Variants in GPC5 observed in about 807,000 individuals in gnomAD.
GPC5 encodes the protein glypican 5.
A neutral mutation model predicts 53.9 loss-of-function variants in GPC5; 47 were observed. The observed-to-expected ratio is 0.87, with a 90% CI of 0.69 to 1.11. GPC5 has a LOEUF of 1.11. GPC5 is among the 50% of genes most tolerant of loss of function. The pLI is 0.00. For synonymous variants in GPC5, 286 were observed against 263.3 expected, an observed-to-expected ratio of 1.09 and a Z score of -0.84; for missense variants, 748 against 713.1, an observed-to-expected ratio of 1.05 and a Z score of -0.56.
At chr13:91,419,493 G>A (rs1878457706) in intron 1 of GPC5, among the ~76,000 whole-genome samples, 1 of 152,102 alleles carries the variant, frequency 6.6e-6, no homozygotes, top group Non-Finnish European at 1.5e-5. Flanking sequence ...AGTCAACAAC[G>A]TGATTCACAG....
chr13:91,910,972 C>T (rs2039604343), intron 6 of GPC5, among the ~76,000 whole-genome samples: 1 of 151,832 alleles, frequency 6.6e-6, no homozygotes, highest in African/African-American at 2.4e-5. Context: ...CTGGTGGAGG[C>T]CACTCAGGGG....
At chr13:91,785,900 C>T (rs543795727) in intron 5 of GPC5, among the ~76,000 whole-genome samples, 2 of 152,298 alleles carry the variant, frequency 1.3e-5, no homozygotes, top group East Asian at 3.9e-4. Flanking sequence ...ACTCTCCCTA[C>T]TTCCACCCTT....
At chr13:91,925,868 G>T (rs1396093156) in intron 6 of GPC5, among the ~76,000 whole-genome samples, 1 of 152,188 alleles carries the variant, frequency 6.6e-6, no homozygotes, top group African/African-American at 2.4e-5. Context: ...TCCGATTTGA[G>T]ATGGAATGGA....
intron 7 of GPC5, among the ~76,000 whole-genome samples, chr13:92,646,929 CATGTGTGTGTGTGTGTGT>C (rs1885791627): frequency 1.5e-5 from 2 of 135,096 alleles, no homozygotes; most frequent in Non-Finnish European, 3.2e-5. Flanking sequence ...TATATATAAA[CATGTGTGTGTGTGTGTGT>C]GTGTGTGTGT....
At chr13:92,816,259 G>T (rs1020090730) in intron 7 of GPC5, among the ~76,000 whole-genome samples, 1 of 152,054 alleles carries the variant, frequency 6.6e-6, no homozygotes, top group Non-Finnish European at 1.5e-5. Flanking sequence ...AAGGGCTATT[G>T]GATAGGTCAT....
chr13:92,783,540 A>G (rs1300529907), intron 7 of GPC5, among the ~76,000 whole-genome samples: 1 of 152,154 alleles, frequency 6.6e-6, no homozygotes, highest in Non-Finnish European at 1.5e-5. Flanking sequence ...CAGGAGCTAA[A>G]CCGTAGTGTT....
At chr13:92,505,440 T>TA (rs745685414) in intron 7 of GPC5, among the ~76,000 whole-genome samples, 5 of 151,718 alleles carry the variant, frequency 3.3e-5, no homozygotes, top group Non-Finnish European at 7.4e-5. Flanking sequence ...TAACTCCCAC[T>TA]AAAAAAAAGT....
At chr13:92,157,799 T>C (rs1220287943) in intron 7 of GPC5, among the ~76,000 whole-genome samples, 1 of 152,186 alleles carries the variant, frequency 6.6e-6, no homozygotes, top group Non-Finnish European at 1.5e-5. Context: ...TTGGTTGAGT[T>C]AAACTATCTC....
intron 5 of GPC5, among the ~76,000 whole-genome samples, chr13:91,883,739 T>C (rs2039292081): frequency 6.6e-6 from 1 of 152,204 alleles, no homozygotes; most frequent in African/African-American, 2.4e-5. Context: ...ACTTTGACTG[T>C]TCCTCAAACT....
At chr13:92,090,725 T>C (rs539602781) in intron 6 of GPC5, among the ~76,000 whole-genome samples, 11 of 152,346 alleles carry the variant, frequency 7.2e-5, no homozygotes, top group Non-Finnish European at 1.3e-4. Flanking sequence ...TAGAAAATGA[T>C]GTTTTGTGTA....
At chr13:92,579,438 A>T (rs1193153348) in intron 7 of GPC5, among the ~76,000 whole-genome samples, 1 of 151,602 alleles carries the variant, frequency 6.6e-6, no homozygotes, top group East Asian at 2.0e-4. Context: ...GGGCAACAGG[A>T]TACACTTGCT....
In GPC5 at chr13:92,149,963, T is replaced by C. The variant is rs541440394; in HGVS notation, c.1561+4974T>C. ...TATATGATTATACTTTAAAATATGT[T>C]TATTGATTATGCATATTCTTTCTAA... On this transcript the variant is annotated intron_variant, in intron 7 of 7. Transcript: ENST00000377067. Among the ~76,000 whole-genome samples, 4 of 152,120 alleles carry C rather than the reference T, an allele frequency of 2.6e-5. No homozygotes were observed. In the South Asian group the frequency reaches 6.2e-4, roughly 24 times the overall value.
intron 7 of GPC5, among the ~76,000 whole-genome samples, chr13:92,324,580 C>T (rs9584018): frequency 0.38 from 57,047 of 151,528 alleles, 12,593 homozygotes; most frequent in African/African-American, 0.61. Context: ...AAATGTCTGG[C>T]TGGCATAATA....
At chr13:92,803,313 C>T (rs893984663) in intron 7 of GPC5, among the ~76,000 whole-genome samples, 2 of 151,940 alleles carry the variant, frequency 1.3e-5, no homozygotes, top group African/African-American at 4.8e-5. Flanking sequence ...CTGACTATTA[C>T]ACCCTATCTA....
At chr13:92,492,636 A>T (rs1879810750) in intron 7 of GPC5, among the ~76,000 whole-genome samples, 1 of 152,164 alleles carries the variant, frequency 6.6e-6, no homozygotes, top group Non-Finnish European at 1.5e-5. Flanking sequence ...GTAATCAAAG[A>T]GATGATATTA....
rs67507888 is a variant in GPC5 at position 91,650,750 on chromosome 13, G to GTTTTTTTTTTTTTTTTTTTTTTTTTT, written c.326-42415_326-42414insTTTTTTTTTTTTTTTTTTTTTTTTTT. Among the ~76,000 whole-genome samples the GTTTTTTTTTTTTTTTTTTTTTTTTTT allele has an allele frequency of 4.5e-4, 45 of 99,594 alleles. 2 individuals are homozygous for GTTTTTTTTTTTTTTTTTTTTTTTTTT. The highest frequency in any genetic ancestry group is 1.5e-3 in the South Asian group (4 of 2,594). The allele number at this position is 99,594 out of a possible 152,430, so 65.3% of individuals were successfully genotyped here. The stretch of plus-strand genomic sequence containing the variant: ...CATCTGTGAAACAAAATTCCCATAA[G>GTTTTTTTTTTTTTTTTTTTTTTTTTT]TTTTTTTTTTTTTTTTTTTTTTAGC... On this transcript the variant is annotated intron_variant, in intron 2 of 7. Coordinates refer to ENST00000377067, the MANE Select transcript of GPC5 (RefSeq NM_004466.6).
At chr13:92,307,067 T>C (rs2043116072) in intron 7 of GPC5, among the ~76,000 whole-genome samples, 1 of 152,228 alleles carries the variant, frequency 6.6e-6, no homozygotes, top group South Asian at 2.1e-4. Flanking sequence ...TCACAGGATA[T>C]TGGAAACGTC....
At chr13:92,682,953 C>A (rs1459918621) in intron 7 of GPC5, among the ~76,000 whole-genome samples, 2 of 152,030 alleles carry the variant, frequency 1.3e-5, no homozygotes, top group Non-Finnish European at 2.9e-5. Flanking sequence ...CAGGATAGAA[C>A]AAAATACACA....
At position 92,024,677 on chromosome 13, in the gene GPC5, C is replaced by T. The variant is rs557610354; in HGVS notation, c.1401+116620C>T. Among the ~76,000 whole-genome samples, 6 of 152,230 alleles carry T rather than the reference C, an allele frequency of 3.9e-5. No homozygotes were observed. The South Asian group carries it at 1.2e-3, about 32-fold the overall frequency. On this transcript the variant is annotated intron_variant, in intron 6 of 7. Coordinates refer to ENST00000377067, the MANE Select transcript of GPC5 (RefSeq NM_004466.6). ...TTACCTCCAAATAGATGTTTATCTA[C>T]TTAAGTACTTTTGAGATGAAACTGT...
Sources: gnomAD v4.1 joint callset for allele counts (sites outside exome capture counted in the v4.1 genomes callset) on GRCh38, gnomAD v4.1.1 for gene constraint, MANE v1.5 for transcripts, NCBI Gene and HGNC (gene_info 2026-07-23, HGNC 2026-07-21) for gene names.